Variants in SNTG2 observed in about 807,000 individuals in gnomAD.
SNTG2 encodes the protein syntrophin gamma 2, also known as gamma-2-syntrophin.
A neutral mutation model predicts 70.9 loss-of-function variants in SNTG2; 74 were observed. The observed-to-expected ratio is 1.04, with a 90% confidence interval of 0.86 to 1.27. The LOEUF (loss-of-function observed/expected upper bound fraction) is 1.27. Among genes scored for constraint, SNTG2 ranks in the 50% most tolerant of loss-of-function variants. The pLI is 0.00. For missense variants in SNTG2, 717 were observed against 690.7 expected (o/e 1.04, Z -0.43); for synonymous variants, 278 against 273.8 (o/e 1.02, Z -0.15).
chr2:1,082,734 A>C (rs1159989204), intron 1 of SNTG2, among the ~76,000 whole-genome samples: 1 of 152,228 alleles, frequency 6.6e-6, no homozygotes, highest in Non-Finnish European at 1.5e-5. Flanking sequence ...TGGGACGCCC[A>C]AGCCCTGTGC....
chr2:1,020,827 G>GTA (rs1327781082), intron 1 of SNTG2, among the ~76,000 whole-genome samples: 3 of 151,910 alleles, frequency 2.0e-5, no homozygotes, highest in African/African-American at 7.3e-5. Context: ...TTAACCATAT[G>GTA]TATATATATA....
chr2:997,055 C>T (rs1227153585), intron 1 of SNTG2, among the ~76,000 whole-genome samples: 1 of 152,146 alleles, frequency 6.6e-6, no homozygotes, highest in Non-Finnish European at 1.5e-5. Flanking sequence ...TTCCACTCTA[C>T]AGGTACACAA....
chr2:992,890 A>G (rs1002226304), intron 1 of SNTG2, among the ~76,000 whole-genome samples: 13 of 152,238 alleles, frequency 8.5e-5, no homozygotes, highest in Admixed American at 6.5e-4. Context: ...CCATCCCTAT[A>G]GTCCAATTTA....
chr2:991,376 C>CACACACT (rs1553305487), intron 1 of SNTG2, among the ~76,000 whole-genome samples: 1 of 145,520 alleles, frequency 6.9e-6, no homozygotes, highest in Non-Finnish European at 1.6e-5. Context: ...TAATATTACA[C>CACACACT]ACACACACAC....
At chr2:1,246,594 A>G (rs1290653640) in intron 11 of SNTG2, among the ~76,000 whole-genome samples, 1 of 152,202 alleles carries the variant, frequency 6.6e-6, no homozygotes, top group African/African-American at 2.4e-5. Context: ...TAAGTTTTTA[A>G]TGCTAAGCAT....
intron 8 of SNTG2, 70 bp downstream of exon 8, chr2:1,173,253 C>T: frequency 1.4e-6 from 2 of 1,396,264 alleles, no homozygotes. Context: ...AATCTCTAGA[C>T]AGAATTAAAA....
chr2:1,241,588 A>G (rs1171833787), intron 11 of SNTG2, among the ~76,000 whole-genome samples: 1 of 152,142 alleles, frequency 6.6e-6, no homozygotes, highest in African/African-American at 2.4e-5. Flanking sequence ...ATCATTTAAC[A>G]TTAAGTATAT....
intron 8 of SNTG2, among the ~76,000 whole-genome samples, chr2:1,203,778 C>G (rs928261672): frequency 1.4e-4 from 21 of 150,314 alleles, no homozygotes; most frequent in African/African-American, 4.7e-4. Context: ...TGCAGAAATT[C>G]TTCAACAACA....
chr2:1,135,448 G>A (rs1668317486), intron 4 of SNTG2, among the ~76,000 whole-genome samples: 3 of 152,226 alleles, frequency 2.0e-5, no homozygotes, highest in African/African-American at 7.2e-5. Context: ...GGCCAGGCGT[G>A]GTGGCTCACG....
At chr2:1,298,742 G>C (rs906549517) in intron 14 of SNTG2, among the ~76,000 whole-genome samples, 2 of 152,176 alleles carry the variant, frequency 1.3e-5, no homozygotes, top group Admixed American at 1.3e-4. Context: ...TTGATCCTGG[G>C]TGTGTCTGTG....
chr2:958,691 C>CT (rs35896193), intron 1 of SNTG2, among the ~76,000 whole-genome samples: 29,338 of 151,170 alleles, frequency 0.19, 3,035 homozygotes, highest in Non-Finnish European at 0.24. Flanking sequence ...AATAAATGGT[C>CT]TTTTTTTTTA....
chr2:1,261,394 G>A (rs1399583160), intron 13 of SNTG2, among the ~76,000 whole-genome samples: 2 of 152,026 alleles, frequency 1.3e-5, no homozygotes, highest in East Asian at 1.9e-4. Context: ...TTAATATTTA[G>A]ACCAGAAATC....
At chr2:1,235,884 G>A (rs1025204466) in intron 9 of SNTG2, among the ~76,000 whole-genome samples, 3 of 152,230 alleles carry the variant, frequency 2.0e-5, no homozygotes, top group Non-Finnish European at 2.9e-5. Flanking sequence ...TGGTCTGAGA[G>A]TTGGTTGGCC....
chr2:1,299,144 T>A (rs1680343367), intron 14 of SNTG2, among the ~76,000 whole-genome samples: 1 of 152,190 alleles, frequency 6.6e-6, no homozygotes, highest in Non-Finnish European at 1.5e-5. Flanking sequence ...AGGCGCAACA[T>A]CGGGAGCCAA....
intron 1 of SNTG2, among the ~76,000 whole-genome samples, chr2:995,122 A>G (rs1661635365): frequency 6.6e-6 from 1 of 152,038 alleles, no homozygotes; most frequent in Admixed American, 6.6e-5. Flanking sequence ...TGGCAAGAAT[A>G]AACGTATTTG....
chr2:1,021,656 G>A (rs1660182885), intron 1 of SNTG2, among the ~76,000 whole-genome samples: 2 of 151,058 alleles, frequency 1.3e-5, no homozygotes, highest in Non-Finnish European at 2.9e-5. Flanking sequence ...AGACTGAAGT[G>A]CAGCACTATG....
intron 12 of SNTG2, among the ~76,000 whole-genome samples, chr2:1,248,944 C>T (rs1337551613): frequency 6.6e-6 from 1 of 152,112 alleles, no homozygotes; most frequent in African/African-American, 2.4e-5. Context: ...TCAAAACAGA[C>T]AGGTTTCTTG....
At chr2:1,155,436 C>T (rs769022916) in intron 6 of SNTG2, among the ~76,000 whole-genome samples, 3 of 151,928 alleles carry the variant, frequency 2.0e-5, no homozygotes, top group African/African-American at 4.9e-5. Context: ...GTACACACAC[C>T]ACATATGTAC....
Position 1,173,078 on chromosome 2 carries a change from T to C in SNTG2, c.500-14T>C. ...TGGCACCAATTGGAAGGGACTTCTC[T>C]TGTTTTGCTGCAGGGTCCCCAGGGC... On this transcript the variant is annotated splice_polypyrimidine_tract_variant and intron_variant, in intron 7 of 16. Transcript: ENST00000308624. 8.7e-6 allele frequency: 14 copies of C among 1,612,810 alleles called. No homozygotes were observed. Among genetic ancestry groups the C allele is most frequent in the African/African-American group, 1.3e-5 (1 of 74,988 alleles).
Sources: gnomAD v4.1 joint callset for allele counts (sites outside exome capture counted in the v4.1 genomes callset) on GRCh38, gnomAD v4.1.1 for gene constraint, MANE v1.5 for transcripts, NCBI Gene and HGNC (gene_info 2026-07-23, HGNC 2026-07-21) for gene names.